Variants in NTM observed in about 807,000 individuals in gnomAD.
The protein encoded by NTM is IgLON family member 2.
In NTM, 13 loss-of-function variants were observed where a neutral mutation model predicts 42.1. The observed-to-expected ratio is 0.31, with a 90% CI of 0.20 to 0.49. NTM has a LOEUF of 0.49. Among genes scored for constraint, NTM ranks in the 20% least tolerant of loss-of-function variants. The pLI is 0.99. For missense variants in NTM, 373 were observed against 452.8 expected (o/e 0.82, Z 1.60); for synonymous variants, 187 against 179.2 (o/e 1.04, Z -0.35).
At position 131,399,618 on chromosome 11, in the gene NTM, C is replaced by T. The variant is rs111593677; in HGVS notation, c.82+28730C>T. 1.1e-3 allele frequency among the ~76,000 whole-genome samples: 172 copies of T among 152,236 alleles called. 1 individual carries two copies. The highest frequency in any genetic ancestry group is 0.01 in the Middle Eastern group (3 of 294). On this transcript the variant is annotated intron_variant, in intron 1 of 8. Transcript: ENST00000683400. ...GTGGTTGCTAATCCTATACTCTTACCCTCAGCACACAGAGCCCCTCACTCA... is the reference window on the plus strand; with the variant it reads ...GTGGTTGCTAATCCTATACTCTTACTCTCAGCACACAGAGCCCCTCACTCA...
intron 2 of NTM, among the ~76,000 whole-genome samples, chr11:131,991,855 A>G (rs2067082299): frequency 6.6e-6 from 1 of 152,174 alleles, no homozygotes; most frequent in East Asian, 1.9e-4. Flanking sequence ...AGCTTGGTGG[A>G]AATATGGGAA....
intron 1 of NTM, among the ~76,000 whole-genome samples, chr11:131,583,496 A>G (rs1451873004): frequency 1.3e-5 from 2 of 152,244 alleles, no homozygotes; most frequent in East Asian, 1.9e-4. Context: ...TCTGAAGGTC[A>G]TATGCCTCCA....
intron 1 of NTM, among the ~76,000 whole-genome samples, chr11:131,521,281 C>T (rs944183169): frequency 1.9e-4 from 27 of 145,326 alleles, no homozygotes; most frequent in Non-Finnish European, 3.7e-4. Flanking sequence ...TGCCACTGTA[C>T]TCCAGCCTGG....
chr11:131,890,146 C>CTCTCTG (rs1555167704), intron 1 of NTM, among the ~76,000 whole-genome samples: 1 of 65,646 alleles, frequency 1.5e-5, no homozygotes, highest in African/African-American at 8.0e-5. Context: ...CCCTCTCTCT[C>CTCTCTG]TCTCTCTCTG....
intron 2 of NTM, among the ~76,000 whole-genome samples, chr11:132,018,736 A>G (rs1167088979): frequency 6.6e-6 from 1 of 152,014 alleles, no homozygotes; most frequent in Non-Finnish European, 1.5e-5. Context: ...GACTCATGAA[A>G]TAAGTTGAGA....
intron 1 of NTM, among the ~76,000 whole-genome samples, chr11:131,591,440 G>T (rs958565679): frequency 2.0e-5 from 3 of 152,172 alleles, no homozygotes; most frequent in Non-Finnish European, 4.4e-5. Flanking sequence ...GAGATGGAAG[G>T]GGGGCACACC....
intron 1 of NTM, among the ~76,000 whole-genome samples, chr11:131,389,024 A>AAAAAAAAAAGAAAAG (rs774146196): frequency 1.2e-3 from 105 of 89,862 alleles, no homozygotes; most frequent in East Asian, 3.8e-3. Flanking sequence ...AAAAAAAAAA[A>AAAAAAAAAAGAAAAG]AAAAGAAAAG....
At chr11:131,508,000 A>G (rs1163905055) in intron 1 of NTM, among the ~76,000 whole-genome samples, 2 of 152,070 alleles carry the variant, frequency 1.3e-5, no homozygotes, top group Admixed American at 6.6e-5. Flanking sequence ...CTAAAACACA[A>G]AAAGCAATGG....
At chr11:131,740,565 A>T (rs1240474641) in intron 1 of NTM, among the ~76,000 whole-genome samples, 2 of 151,184 alleles carry the variant, frequency 1.3e-5, no homozygotes, top group African/African-American at 2.4e-5. Flanking sequence ...ATTTTCTTCA[A>T]TTTTTTTTCT....
At chr11:131,724,208 C>T (rs1430345008) in intron 1 of NTM, among the ~76,000 whole-genome samples, 1 of 152,104 alleles carries the variant, frequency 6.6e-6, no homozygotes, top group African/African-American at 2.4e-5. Context: ...GTGGCCAGGG[C>T]GCCTGCACCC....
At chr11:131,622,569 G>A (rs1297814446) in intron 1 of NTM, among the ~76,000 whole-genome samples, 1 of 152,186 alleles carries the variant, frequency 6.6e-6, no homozygotes, top group East Asian at 1.9e-4. Context: ...CTATTTGGTA[G>A]CCAAAATTTT....
At chr11:132,321,023 T>A (rs1216150571) in intron 7 of NTM, among the ~76,000 whole-genome samples, 1 of 151,106 alleles carries the variant, frequency 6.6e-6, no homozygotes, top group Non-Finnish European at 1.5e-5. Flanking sequence ...AAAACCCATC[T>A]GTACATCACC....
chr11:131,654,926 A>G (rs1229717976), intron 1 of NTM, among the ~76,000 whole-genome samples: 1 of 152,154 alleles, frequency 6.6e-6, no homozygotes, highest in African/African-American at 2.4e-5. Context: ...AGCAATGCAA[A>G]ATGGATTAAT....
chr11:132,247,000 C>A (rs2091274599), intron 4 of NTM, among the ~76,000 whole-genome samples: 2 of 152,342 alleles, frequency 1.3e-5, no homozygotes, highest in South Asian at 4.1e-4. Flanking sequence ...GAAAACCACT[C>A]CATCCTCCTC....
chr11:131,448,159 A>G (rs935803153), intron 1 of NTM, among the ~76,000 whole-genome samples: 2 of 152,202 alleles, frequency 1.3e-5, no homozygotes, highest in Non-Finnish European at 2.9e-5. Flanking sequence ...AGGCTGGGCT[A>G]CACGAGGAAG....
intron 1 of NTM, among the ~76,000 whole-genome samples, chr11:131,819,443 CTCACTCAT>C (rs1238421895): frequency 4.4e-4 from 67 of 152,328 alleles, no homozygotes; most frequent in African/African-American, 1.6e-3. Flanking sequence ...CACATACCCG[CTCACTCAT>C]TCACTCATTC....
intron 1 of NTM, among the ~76,000 whole-genome samples, chr11:131,605,355 G>A (rs1036632015): frequency 6.6e-6 from 1 of 152,134 alleles, no homozygotes; most frequent in Non-Finnish European, 1.5e-5. Flanking sequence ...CTTTTGGATT[G>A]TTAATTGCTA....
At chr11:131,498,988 G>A (rs1471348830) in intron 1 of NTM, among the ~76,000 whole-genome samples, 1 of 152,140 alleles carries the variant, frequency 6.6e-6, no homozygotes, top group Non-Finnish European at 1.5e-5. Flanking sequence ...TTCTGGGGAG[G>A]CAGCATCACT....
At chr11:131,625,312 C>T (rs577227691) in intron 1 of NTM, among the ~76,000 whole-genome samples, 4 of 152,148 alleles carry the variant, frequency 2.6e-5, no homozygotes, top group African/African-American at 9.7e-5. Flanking sequence ...TTTATGGACC[C>T]CTCTGAGCAA....
Sources: gnomAD v4.1 joint callset for allele counts (sites outside exome capture counted in the v4.1 genomes callset) on GRCh38, gnomAD v4.1.1 for gene constraint, MANE v1.5 for transcripts, NCBI Gene and HGNC (gene_info 2026-07-23, HGNC 2026-07-21) for gene names.